Variants in LRCH3 observed in about 807,000 individuals in gnomAD.
The protein encoded by LRCH3 is leucine rich repeats and calponin homology domain containing 3.
In LRCH3, 68 loss-of-function variants were observed where a neutral mutation model predicts 104.5. That is an observed-to-expected ratio of 0.65 (90% CI 0.54 to 0.80). LRCH3 has a LOEUF of 0.80. Ranked by LOEUF, LRCH3 falls within the 30% of genes least tolerant of loss-of-function variation. The pLI, the probability that LRCH3 is intolerant of heterozygous loss-of-function variation, is 0.00. For synonymous variants in LRCH3, 344 were observed against 361.3 expected, an observed-to-expected ratio of 0.95 and a Z score of 0.54; for missense variants, 951 against 953.9, an observed-to-expected ratio of 1.00 and a Z score of 0.04.
intron 3 of LRCH3, 28 bp downstream of exon 3, chr3:197,817,330 A>ATTTTGTGTGTGCGTGCG (rs1553916497): frequency 7.8e-7 from 1 of 1,278,136 alleles, no homozygotes; most frequent in Non-Finnish European, 1.0e-6. Context: ...ATTGTCCAAC[A>ATTTTGTGTGTGCGTGCG]TGTGTGTGTG....
chr3:197,864,709 C>CT (rs11367873), intron 15 of LRCH3, among the ~76,000 whole-genome samples: 1,493 of 132,896 alleles, frequency 0.011, 15 homozygotes, highest in African/African-American at 0.031. Flanking sequence ...TCTTCTTCTT[C>CT]TTTTTTTTTT....
intron 2 of LRCH3, among the ~76,000 whole-genome samples, chr3:197,815,701 T>C (rs772520590): frequency 1.8e-4 from 27 of 152,210 alleles, no homozygotes; most frequent in Non-Finnish European, 3.5e-4. Flanking sequence ...CCATGTATTT[T>C]TGCATATTAA....
At chr3:197,882,012 G>A in intron 20 of LRCH3, 1 of 985,410 alleles carries the variant, frequency 1.0e-6, no homozygotes, top group Non-Finnish European at 1.2e-6. Context: ...TCAGACTTTG[G>A]GGAATTGGGT....
At chr3:197,811,766 G>C (rs929868636) in intron 1 of LRCH3, among the ~76,000 whole-genome samples, 1 of 152,098 alleles carries the variant, frequency 6.6e-6, no homozygotes, top group Admixed American at 6.5e-5. Flanking sequence ...GAGAGAAATG[G>C]GGTTAAGAAG....
rs1713925068 is a variant in LRCH3 at position 197,883,074 on chromosome 3, T to G, written c.2209-467T>G. The G allele has an allele frequency of 2.0e-6, 2 of 985,962 alleles. No individual in the cohort carries two copies. Among genetic ancestry groups the G allele is most frequent in the East Asian group, 2.3e-4 (2 of 8,852 alleles). 61.1% of individuals were successfully genotyped at this position (985,962 alleles called of 1,614,324 possible). On this transcript the variant is annotated intron_variant, in intron 20 of 20. Transcript: ENST00000425562. The surrounding 1 kb of genome is among the most constrained non-coding windows in gnomAD (Gnocchi z 4.2). Reference sequence around the variant, plus strand: ...CAGATAGCGTAGAACTCATGCAGGCTGAGTTATGTTTTCAAACTATCTTTC... The same window carrying G: ...CAGATAGCGTAGAACTCATGCAGGCGGAGTTATGTTTTCAAACTATCTTTC...
rs542816679 is a variant in LRCH3 at position 197,810,238 on chromosome 3, C to T, written c.263-4670C>T. ...GTGGCACGATCTTGGCTCACTGCAG[C>T]CTCCGCCTCCTGGGTTCAAAGGATT... On this transcript the variant is annotated intron_variant, in intron 1 of 20. Coordinates refer to ENST00000425562, the MANE Select transcript of LRCH3 (RefSeq NM_001365715.1). This position sits in a 1 kb window ranked among gnomAD's most constrained non-coding sequence, Gnocchi z 4.0. 6.6e-6 allele frequency among the ~76,000 whole-genome samples: 1 copy of T among 152,264 alleles called. No individual in the cohort carries two copies. Among genetic ancestry groups the T allele is most frequent in the South Asian group, 2.1e-4 (1 of 4,828 alleles).
chr3:197,831,844 C>G (rs534788199), intron 7 of LRCH3, among the ~76,000 whole-genome samples: 15 of 152,186 alleles, frequency 9.9e-5, no homozygotes, highest in South Asian at 6.2e-4. Flanking sequence ...TAGTCTCAAA[C>G]TCCTGGGCTT....
chr3:197,840,832 C>T (rs571983840), intron 10 of LRCH3, among the ~76,000 whole-genome samples: 2 of 152,262 alleles, frequency 1.3e-5, no homozygotes, highest in Non-Finnish European at 2.9e-5. Context: ...TCAGTTGCCA[C>T]GTGTCCTTTT....
intron 17 of LRCH3, among the ~76,000 whole-genome samples, chr3:197,867,076 A>T (rs1482100144): frequency 6.6e-6 from 1 of 151,962 alleles, no homozygotes; most frequent in East Asian, 1.9e-4. Flanking sequence ...GGAGTTCATG[A>T]CCAGCCTGGC....
At chr3:197,834,821 A>T (rs1022903014) in intron 8 of LRCH3, among the ~76,000 whole-genome samples, 1 of 152,184 alleles carries the variant, frequency 6.6e-6, no homozygotes, top group Admixed American at 6.5e-5. Context: ...TCTGGAGCCT[A>T]TTTTTGTGAG....
intron 3 of LRCH3, among the ~76,000 whole-genome samples, chr3:197,818,869 T>C (rs1432570399): frequency 1.3e-5 from 2 of 152,184 alleles, no homozygotes; most frequent in African/African-American, 4.8e-5. Flanking sequence ...CTCACACTTG[T>C]AATCCTAGCA....
intron 9 of LRCH3, among the ~76,000 whole-genome samples, chr3:197,837,948 C>G (rs57520841): frequency 6.6e-6 from 1 of 151,692 alleles, no homozygotes; most frequent in Non-Finnish European, 1.5e-5. Context: ...TAATCCCAGC[C>G]ACTCGGGAGG....
At chr3:197,834,882 G>GC (rs1219988046) in intron 8 of LRCH3, among the ~76,000 whole-genome samples, 1 of 152,188 alleles carries the variant, frequency 6.6e-6, no homozygotes, top group Admixed American at 6.5e-5. Flanking sequence ...GTTGGCTGAT[G>GC]CCTGTAATCC....
rs1336698156 is a variant in LRCH3 at position 197,797,117 on chromosome 3, C to G, written c.262+5577C>G. On this transcript the variant is annotated intron_variant, in intron 1 of 20. Coordinates refer to ENST00000425562, the MANE Select transcript of LRCH3 (RefSeq NM_001365715.1). ...CCGAGGCGGGCAGATCACCCGATGT[C>G]AGGAGTTCAAGACCAGCCTGGCCAA... Among the ~76,000 whole-genome samples the G allele has an allele frequency of 5.3e-5, 8 of 151,722 alleles. No homozygotes were observed. The South Asian group carries it at 1.0e-3, about 20-fold the overall frequency.
intron 1 of LRCH3, among the ~76,000 whole-genome samples, chr3:197,796,039 C>T (rs887848567): frequency 2.0e-5 from 3 of 151,924 alleles, no homozygotes; most frequent in Non-Finnish European, 2.9e-5. Context: ...TGAAACTACC[C>T]GTGATGATAT....
At chr3:197,799,215 T>G (rs1731601600) in intron 1 of LRCH3, among the ~76,000 whole-genome samples, 1 of 152,200 alleles carries the variant, frequency 6.6e-6, no homozygotes, top group African/African-American at 2.4e-5. Context: ...TACTTCATGT[T>G]AGAACATCAA....
At chr3:197,871,957 G>A (rs77415711) in intron 19 of LRCH3, among the ~76,000 whole-genome samples, 2,494 of 152,234 alleles carry the variant, frequency 0.016, 91 homozygotes, top group African/African-American at 0.057. Flanking sequence ...AGCTGGGGCC[G>A]TGGTACAAAG....
rs1560527525 is a variant in LRCH3, at chr3:197,808,868, C to T, written c.263-6040C>T. ...GCAGTGAGCTGTGATTGTGCCACTG[C>T]ACTCCAACCTGGGTGACAGTGAGAC... On this transcript the variant is annotated intron_variant, in intron 1 of 20. Transcript: ENST00000425562. 6.6e-5 allele frequency among the ~76,000 whole-genome samples: 10 copies of T among 151,120 alleles called. No individual in the cohort carries two copies. In the South Asian group the frequency reaches 2.1e-3, roughly 32 times the overall value.
chr3:197,825,501 A>G (rs1415988479), intron 4 of LRCH3, among the ~76,000 whole-genome samples: 2 of 49,312 alleles, frequency 4.1e-5, no homozygotes, highest in African/African-American at 1.9e-4. Context: ...TTTTTTTGAG[A>G]CAGAGTCTTG....
Sources: gnomAD v4.1 joint callset for allele counts (sites outside exome capture counted in the v4.1 genomes callset) on GRCh38, gnomAD v4.1.1 for gene constraint, Gnocchi (gnomAD v3.1) non-coding constraint, MANE v1.5 for transcripts, NCBI Gene and HGNC (gene_info 2026-07-23, HGNC 2026-07-21) for gene names.